Variants in TMEFF2 observed in about 807,000 individuals in gnomAD.
TMEFF2 encodes transmembrane protein with EGF like and two follistatin like domains 2, also known as tomoregulin-2.
In TMEFF2, 28 loss-of-function variants were observed where a neutral mutation model predicts 53.8. The ratio of observed to expected loss-of-function variants is 0.52; its 90% confidence interval spans 0.39 to 0.71. The LOEUF (loss-of-function observed/expected upper bound fraction) is 0.71. Among genes scored for constraint, TMEFF2 ranks in the 30% least tolerant of loss-of-function variants. TMEFF2 has a pLI of 0.00. For synonymous variants in TMEFF2, 162 were observed against 166.3 expected, an observed-to-expected ratio of 0.97 and a Z score of 0.20; for missense variants, 353 against 455.2, an observed-to-expected ratio of 0.78 and a Z score of 2.04.
chr2:192,180,887 A>G (rs1691170290), intron 3 of TMEFF2, among the ~76,000 whole-genome samples: 1 of 151,734 alleles, frequency 6.6e-6, no homozygotes, highest in Non-Finnish European at 1.5e-5. Context: ...TTGGAGGCCC[A>G]CATTAACTAA....
At chr2:192,178,460 A>G (rs1256177282) in intron 4 of TMEFF2, 1 of 151,038 alleles carries the variant, frequency 6.6e-6, no homozygotes, top group African/African-American at 2.4e-5. Context: ...ACTGTCCAAC[A>G]TCATGGGACA....
At chr2:192,127,134 TC>T (rs1266939501) in intron 4 of TMEFF2, among the ~76,000 whole-genome samples, 1 of 152,140 alleles carries the variant, frequency 6.6e-6, no homozygotes, top group Non-Finnish European at 1.5e-5. Flanking sequence ...CTGTGGCTCC[TC>T]CCCAAGTCAT....
chr2:192,074,943 G>A (rs1380302613), intron 4 of TMEFF2, among the ~76,000 whole-genome samples: 1 of 151,786 alleles, frequency 6.6e-6, no homozygotes, highest in Non-Finnish European at 1.5e-5. Flanking sequence ...GTGTGTCTAT[G>A]TGTGTTATTT....
At chr2:191,988,850 C>T (rs4258753) in intron 7 of TMEFF2, among the ~76,000 whole-genome samples, 150,134 of 152,230 alleles carry the variant, frequency 0.99, 74,079 homozygotes, top group Middle Eastern at 1. Flanking sequence ...AGGAACATTA[C>T]GTAACGCTAT....
chr2:192,127,662 G>A (rs1689709204), intron 4 of TMEFF2, among the ~76,000 whole-genome samples: 2 of 111,636 alleles, frequency 1.8e-5, no homozygotes, highest in South Asian at 7.3e-4. Flanking sequence ...CAAAAATTGA[G>A]CAACAGTACA....
chr2:192,154,550 G>T (rs1334474985), intron 4 of TMEFF2, among the ~76,000 whole-genome samples: 1 of 151,940 alleles, frequency 6.6e-6, no homozygotes, highest in Non-Finnish European at 1.5e-5. Flanking sequence ...ACAGAACTTT[G>T]TATCAACCTT....
At chr2:192,084,377 C>G (rs962701511) in intron 4 of TMEFF2, among the ~76,000 whole-genome samples, 1 of 152,016 alleles carries the variant, frequency 6.6e-6, no homozygotes, top group Non-Finnish European at 1.5e-5. Flanking sequence ...CAAATAGTGC[C>G]AATTCTGCTA....
At chr2:192,184,117 G>C (rs564078312) in intron 3 of TMEFF2, among the ~76,000 whole-genome samples, 2 of 152,118 alleles carry the variant, frequency 1.3e-5, no homozygotes, top group Non-Finnish European at 2.9e-5. Context: ...TTCATTTAAT[G>C]ACATACGTAC....
chr2:192,189,841 C>T (rs905128660), intron 2 of TMEFF2, among the ~76,000 whole-genome samples: 40 of 152,120 alleles, frequency 2.6e-4, no homozygotes, highest in African/African-American at 9.2e-4. Context: ...TGTGCAAAGT[C>T]TACATTTTCC....
At chr2:191,957,863 A>G (rs546308586) in intron 7 of TMEFF2, among the ~76,000 whole-genome samples, 1 of 152,244 alleles carries the variant, frequency 6.6e-6, no homozygotes, top group Non-Finnish European at 1.5e-5. Flanking sequence ...CAGTATTTGC[A>G]CATCGATAGC....
At chr2:191,956,618 T>C (rs1351287804) in intron 7 of TMEFF2, among the ~76,000 whole-genome samples, 1 of 152,244 alleles carries the variant, frequency 6.6e-6, no homozygotes, top group Non-Finnish European at 1.5e-5. Flanking sequence ...CCTACATCTT[T>C]AACAGCTAGT....
intron 4 of TMEFF2, among the ~76,000 whole-genome samples, chr2:192,124,515 C>T (rs1689631458): frequency 2.0e-5 from 3 of 152,158 alleles, no homozygotes; most frequent in African/African-American, 7.2e-5. Flanking sequence ...TGCGTTGCTC[C>T]TTCTCTGGGT....
chr2:192,025,868 C>T (rs779787390), intron 5 of TMEFF2, among the ~76,000 whole-genome samples: 1 of 152,210 alleles, frequency 6.6e-6, no homozygotes, highest in African/African-American at 2.4e-5. Context: ...CTGCTTTTGC[C>T]GCTTAATACA....
At chr2:192,024,002 G>T (rs552703963) in intron 5 of TMEFF2, among the ~76,000 whole-genome samples, 1 of 152,214 alleles carries the variant, frequency 6.6e-6, no homozygotes, top group South Asian at 2.1e-4. Flanking sequence ...GGACAGTTTG[G>T]GGATGAATGT....
At chr2:192,061,625 G>A (rs1486216030) in intron 4 of TMEFF2, among the ~76,000 whole-genome samples, 1 of 152,076 alleles carries the variant, frequency 6.6e-6, no homozygotes, top group Non-Finnish European at 1.5e-5. Flanking sequence ...GATCTTAAGG[G>A]TACCTGATAT....
chr2:192,040,668 T>C (rs1687453891), intron 5 of TMEFF2, among the ~76,000 whole-genome samples: 1 of 152,140 alleles, frequency 6.6e-6, no homozygotes. Context: ...TCTGCTATGA[T>C]AGATGATGTT....
chr2:192,193,757 T>TAGAG (rs1491267223), intron 1 of TMEFF2, among the ~76,000 whole-genome samples: 144 of 26,610 alleles, frequency 5.4e-3, no homozygotes, highest in East Asian at 0.013. Flanking sequence ...GAGAGATAGA[T>TAGAG]AGATAGAGAG....
intron 4 of TMEFF2, among the ~76,000 whole-genome samples, chr2:192,062,068 T>A (rs1345304434): frequency 6.2e-5 from 3 of 48,622 alleles, no homozygotes; most frequent in African/African-American, 1.9e-4. Context: ...ACTAACTCAG[T>A]AGCCTTTAAT....
At chr2:191,956,964 A>C (rs1289728729) in intron 7 of TMEFF2, among the ~76,000 whole-genome samples, 1 of 152,222 alleles carries the variant, frequency 6.6e-6, no homozygotes, top group Admixed American at 6.5e-5. Flanking sequence ...TTAAATAAGA[A>C]AACGTTATTT....
Sources: gnomAD v4.1 joint callset for allele counts (sites outside exome capture counted in the v4.1 genomes callset) on GRCh38, gnomAD v4.1.1 for gene constraint, MANE v1.5 for transcripts, NCBI Gene and HGNC (gene_info 2026-07-23, HGNC 2026-07-21) for gene names.